Variants in SORCS1 observed in about 807,000 individuals in gnomAD.
The protein encoded by SORCS1 is VPS10 domain-containing receptor SorCS1.
In SORCS1, 60 loss-of-function variants were observed where a neutral mutation model predicts 146.1. That is an observed-to-expected ratio of 0.41 (90% CI 0.33 to 0.51). The LOEUF (loss-of-function observed/expected upper bound fraction) is 0.51. SORCS1 is among the 20% of genes least tolerant of loss of function. SORCS1 has a pLI of 0.21. For synonymous variants in SORCS1, 637 were observed against 584.0 expected (o/e 1.09, Z -1.31); for missense variants, 1,352 against 1,487.6 (o/e 0.91, Z 1.50).
At chr10:106,854,271 A>G (rs760981314) in intron 2 of SORCS1, among the ~76,000 whole-genome samples, 1 of 152,042 alleles carries the variant, frequency 6.6e-6, no homozygotes, top group Non-Finnish European at 1.5e-5. Context: ...TAATGACTCC[A>G]AAGACCTTCT....
rs141859002 is a variant in SORCS1 at position 106,880,520 on chromosome 10, A to C, written c.627-50847T>G. ...TACAGTCTGTTAAAGATTCAGATTCATGGGTTTCTTTCCCAAAGCTTCTAA... is the reference window on the plus strand; with the variant it reads ...TACAGTCTGTTAAAGATTCAGATTCCTGGGTTTCTTTCCCAAAGCTTCTAA... On this transcript the variant is annotated intron_variant, in intron 2 of 25. Transcript: ENST00000263054. 1.8e-3 allele frequency among the ~76,000 whole-genome samples: 273 copies of C among 152,286 alleles called. 2 individuals are homozygous for C. Among genetic ancestry groups the C allele is most frequent in the African/African-American group, 5.6e-3 (234 of 41,562 alleles).
intron 1 of SORCS1, among the ~76,000 whole-genome samples, chr10:107,115,368 A>G (rs2134488564): frequency 6.6e-6 from 1 of 152,248 alleles, no homozygotes. Context: ...TTACAAAGTC[A>G]TGTGATCAAA....
intron 1 of SORCS1, among the ~76,000 whole-genome samples, chr10:107,049,687 C>T (rs1959924957): frequency 6.6e-6 from 1 of 151,980 alleles, no homozygotes; most frequent in African/African-American, 2.4e-5. Flanking sequence ...AATCAGAACC[C>T]TTTTGTACTG....
intron 2 of SORCS1, among the ~76,000 whole-genome samples, chr10:106,852,829 G>T (rs946432186): frequency 1.3e-5 from 2 of 152,018 alleles, no homozygotes; most frequent in African/African-American, 2.4e-5. Flanking sequence ...ACATATCTTG[G>T]ATAAACCCCA....
intron 21 of SORCS1, among the ~76,000 whole-genome samples, chr10:106,615,543 G>GT (rs1847301792): frequency 6.6e-6 from 1 of 152,138 alleles, no homozygotes; most frequent in South Asian, 2.1e-4. Flanking sequence ...ACCAGGTGTG[G>GT]TTACTCATGC....
At chr10:106,600,245 T>TGGTTTACAACATTGTTTC (rs1203146321) in intron 23 of SORCS1, 1 of 818,832 alleles carries the variant, frequency 1.2e-6, no homozygotes, top group African/African-American at 1.9e-5. Flanking sequence ...GGTTTTGTTT[T>TGGTTTACAACATTGTTTC]GGTTTACAAC....
At position 106,947,203 on chromosome 10, in the gene SORCS1, C is replaced by T. The variant is rs372264212; in HGVS notation, c.626+9310G>A. ...AATCTGCAAACTATTATTGCTTGCA[C>T]GTGTATGATTTGTTGCAACCTTCTT... On this transcript the variant is annotated intron_variant, in intron 2 of 25. Coordinates refer to ENST00000263054, the MANE Select transcript of SORCS1 (RefSeq NM_052918.5). Among the ~76,000 whole-genome samples, 167 of 152,246 alleles carry T rather than the reference C, an allele frequency of 1.1e-3. 1 individual carries two copies. The highest frequency in any genetic ancestry group is 3.6e-3 in the African/African-American group (148 of 41,536).
chr10:107,169,236 C>T (rs150247838), upstream of SORCS1, among the ~76,000 whole-genome samples: 18 of 152,252 alleles, frequency 1.2e-4, no homozygotes, highest in African/African-American at 4.3e-4. Flanking sequence ...ATATTTGGCT[C>T]CCCTTGGATA....
chr10:107,093,611 T>C (rs1034590384), intron 1 of SORCS1, among the ~76,000 whole-genome samples: 1 of 150,348 alleles, frequency 6.7e-6, no homozygotes, highest in Admixed American at 6.7e-5. Flanking sequence ...ACAAGGAGGT[T>C]GCAGGGGGCT....
chr10:107,003,309 T>C (rs930775778), intron 1 of SORCS1, among the ~76,000 whole-genome samples: 1 of 152,180 alleles, frequency 6.6e-6, no homozygotes, highest in African/African-American at 2.4e-5. Context: ...ATAAGTAATA[T>C]ATTTGCAGCT....
chr10:106,662,263 G>C (rs994635530), intron 17 of SORCS1, among the ~76,000 whole-genome samples: 7 of 152,150 alleles, frequency 4.6e-5, no homozygotes, highest in African/African-American at 1.7e-4. Flanking sequence ...CATATACACA[G>C]GGTAATAAGC....
chr10:107,089,628 T>TA (rs1298832032), intron 1 of SORCS1, among the ~76,000 whole-genome samples: 2 of 151,916 alleles, frequency 1.3e-5, no homozygotes, highest in Non-Finnish European at 2.9e-5. Context: ...ATAAATAAAT[T>TA]AAGGAAGGAA....
Position 106,575,884 on chromosome 10 carries a change from G to C in SORCS1, c.*1536C>G, listed in dbSNP as rs1216380199. ...CACAAACATTTCTATTCTACTGTGAGAGTGGAAATACCAGGTAACAGCAAC... is the reference window on the plus strand; with the variant it reads ...CACAAACATTTCTATTCTACTGTGACAGTGGAAATACCAGGTAACAGCAAC... On this transcript the variant is annotated 3_prime_UTR_variant, in exon 26 of 26. Transcript: ENST00000263054. The C allele has an allele frequency of 2.0e-5, 3 of 152,628 alleles. No homozygotes were observed. Among genetic ancestry groups the C allele is most frequent in the Non-Finnish European group, 4.4e-5 (3 of 68,046 alleles). The allele number at this position is 152,628 out of a possible 1,614,324, so 9.5% of individuals were successfully genotyped here. A position where few individuals can be genotyped will look rare whatever the true frequency, so the allele number is the denominator to read the frequency against.
intron 19 of SORCS1, among the ~76,000 whole-genome samples, chr10:106,625,339 G>A (rs1239601950): frequency 1.3e-5 from 2 of 151,826 alleles, no homozygotes; most frequent in Non-Finnish European, 2.9e-5. Context: ...CTATTTGTCT[G>A]CAATGTTTAA....
At chr10:107,119,846 G>T (rs377635303) in intron 1 of SORCS1, among the ~76,000 whole-genome samples, 1 of 152,098 alleles carries the variant, frequency 6.6e-6, no homozygotes, top group African/African-American at 2.4e-5. Context: ...AAGAGTGAGA[G>T]TATTCATCAT....
At chr10:106,624,986 C>A (rs1163692695) in intron 19 of SORCS1, among the ~76,000 whole-genome samples, 1 of 152,200 alleles carries the variant, frequency 6.6e-6, no homozygotes, top group Non-Finnish European at 1.5e-5. Flanking sequence ...AAGTAGGATG[C>A]TGAACTGGCA....
chr10:107,154,110 C>T (rs1969074084), intron 1 of SORCS1, among the ~76,000 whole-genome samples: 3 of 146,022 alleles, frequency 2.1e-5, no homozygotes, highest in Middle Eastern at 7.2e-3. Flanking sequence ...CTCCCAGGTT[C>T]AAGCAATTCT....
At chr10:107,037,843 T>C (rs186484048) in intron 1 of SORCS1, among the ~76,000 whole-genome samples, 78 of 152,328 alleles carry the variant, frequency 5.1e-4, no homozygotes, top group African/African-American at 1.6e-3. Flanking sequence ...TTTATTTATT[T>C]TGAAACTAGG....
At chr10:106,816,149 G>C (rs1055017426) in intron 3 of SORCS1, among the ~76,000 whole-genome samples, 1 of 152,100 alleles carries the variant, frequency 6.6e-6, no homozygotes, top group Non-Finnish European at 1.5e-5. Flanking sequence ...AGAAGGTAGT[G>C]GAAATAGAAG....
Sources: allele counts gnomAD v4.1 joint callset (sites outside exome capture counted in the v4.1 genomes callset), GRCh38; gene constraint gnomAD v4.1.1; transcripts MANE v1.5; gene names NCBI Gene and HGNC (gene_info 2026-07-23, HGNC 2026-07-21).